Variants in DTX3L observed in about 807,000 individuals in gnomAD.
DTX3L encodes the protein deltex E3 ubiquitin ligase 3L.
DTX3L carries 34 observed loss-of-function variants against 60.9 expected under a neutral mutation model. The ratio of observed to expected loss-of-function variants is 0.56; its 90% CI spans 0.42 to 0.74. The LOEUF (loss-of-function observed/expected upper bound fraction) is 0.74. Ranked by LOEUF, DTX3L falls within the 30% of genes least tolerant of loss-of-function variation. The pLI, the probability that DTX3L is intolerant of heterozygous loss-of-function variation, is 0.00. For synonymous variants in DTX3L, 290 were observed against 316.6 expected (o/e 0.92, Z 0.89); for missense variants, 810 against 874.0 (o/e 0.93, Z 0.92).
Position 122,569,887 on chromosome 3 carries a change from C to G in DTX3L, c.1798C>G (p.Gln600Glu). The G allele has an allele frequency of 6.2e-7, 1 of 1,614,146 alleles. No individual in the cohort carries two copies. The highest frequency in any genetic ancestry group is 8.5e-7 in the Non-Finnish European group (1 of 1,180,032). The change falls in exon 3 of 5, where the codon CAG (glutamine) becomes GAG (glutamate). Residue 600 changes from glutamine to glutamate, a missense_variant. Coordinates refer to ENST00000296161, the MANE Select transcript of DTX3L (RefSeq NM_138287.3). ...ATATAAGCCAATCTGTCCCACATGCCAGACTTCCTATGGTATTCAGAAAGG... is the reference window on the plus strand; with the variant it reads ...ATATAAGCCAATCTGTCCCACATGCGAGACTTCCTATGGTATTCAGAAAGG... Reference protein sequence around the residue: ...MSYKPICPTCQTSYGIQKGNQ... With the variant: ...MSYKPICPTCETSYGIQKGNQ...
At position 122,571,719 on chromosome 3, in the gene DTX3L, A is replaced by C. The variant is rs1191784368; in HGVS notation, c.2195A>C (p.Glu732Ala). Residue 732 changes from glutamate to alanine, a missense_variant, in exon 5 of 5, where the codon GAG becomes GCG. Transcript: ENST00000296161. ...CCTTCTTACCTGAAACGTGTCAAAG[A>C]GGAGCTGAAAGCCAAAGGAATTGAG... ...PDPSYLKRVK[E>A]ELKAKGIE The C allele has an allele frequency of 1.9e-6, 3 of 1,613,324 alleles. No individual in the cohort carries two copies. Among genetic ancestry groups the C allele is most frequent in the African/African-American group, 1.3e-5 (1 of 74,924 alleles).
chr3:122,566,127 T>C (rs1160069398), intron 2 of DTX3L, 57 bp downstream of exon 2: 1 of 1,485,776 alleles, frequency 6.7e-7, no homozygotes, highest in Non-Finnish European at 9.3e-7. Context: ...GTCACCAGCC[T>C]CATGTATTAT....
In DTX3L at chr3:122,569,739, C is replaced by G; in HGVS notation, c.1650C>G (p.Ala550=). 1 of 1,614,068 alleles carries G rather than the reference C, an allele frequency of 6.2e-7. No homozygotes were observed. The highest frequency in any genetic ancestry group is 8.5e-7 in the Non-Finnish European group (1 of 1,180,004). ...PPLKGSVSSE[A]SELDKKEKGI... Reference sequence around the variant, plus strand: ...TCAAGGGCTCTGTGAGTTCTGAGGCCTCAGAACTGGACAAGAAGGAAAAGG... The same window carrying G: ...TCAAGGGCTCTGTGAGTTCTGAGGCGTCAGAACTGGACAAGAAGGAAAAGG... The change falls in exon 3 of 5, where the codon GCC becomes GCG. Residue 550 remains alanine, a synonymous_variant. Coordinates refer to ENST00000296161, the MANE Select transcript of DTX3L (RefSeq NM_138287.3).
At chr3:122,570,324 G>A (rs1297092765) in intron 3 of DTX3L, 131 bp from the exon 4 acceptor site, 2 of 923,012 alleles carry the variant, frequency 2.2e-6, no homozygotes, top group African/African-American at 3.4e-5. Flanking sequence ...ATGAGTTATT[G>A]GGAATATGAG....
chr3:122,568,271 TGCACTCCA>T (rs2080604839), intron 2 of DTX3L, among the ~76,000 whole-genome samples: 1 of 152,056 alleles, frequency 6.6e-6, no homozygotes, highest in Admixed American at 6.6e-5. Flanking sequence ...ATCGCGCCAT[TGCACTCCA>T]GCCTGGGTAA....
At chr3:122,568,183 C>A (rs998397368) in intron 2 of DTX3L, among the ~76,000 whole-genome samples, 3 of 152,144 alleles carry the variant, frequency 2.0e-5, no homozygotes, top group African/African-American at 4.8e-5. Context: ...GTGGCACATG[C>A]CTATAATCCC....
In DTX3L at chr3:122,569,641, A is replaced by C. The variant is rs1177638626; in HGVS notation, c.1552A>C (p.Lys518Gln). The part of the protein sequence containing the change: ...KGGGMSSLAG[K>Q]KLKEGHETPM... ...AGGAGGAATGTCTTCATTGGCTGGA[A>C]AGAAATTGAAAGAGGGTCATGAAAC... Residue 518 changes from lysine to glutamine, a missense_variant, in exon 3 of 5, where the codon AAG (lysine) becomes CAG (glutamine). Physicochemically the swap from Lys to Gln is moderately conservative, Grantham distance 53. Transcript: ENST00000296161. 1.2e-6 allele frequency: 2 copies of C among 1,614,090 alleles called. No homozygotes were observed. Among genetic ancestry groups the C allele is most frequent in the Non-Finnish European group, 8.5e-7 (1 of 1,180,046 alleles).
Position 122,568,724 on chromosome 3 carries a change from G to C in DTX3L, c.635G>C (p.Ser212Thr), listed in dbSNP as rs1464705756. 1.9e-6 allele frequency: 3 copies of C among 1,614,222 alleles called. No homozygotes were observed. Among genetic ancestry groups the C allele is most frequent in the Admixed American group, 1.7e-5 (1 of 60,030 alleles). The change falls in exon 3 of 5, where the codon AGT becomes ACT. Residue 212 changes from serine (S) to threonine (T), a missense_variant. Transcript: ENST00000296161. ...SPSMTERKPL[S>T]QQERDSCISP... ...TCAATGACAGAGAGGAAGCCACTCA[G>C]TCAGCAGGAGAGGGACAGCTGCATT...
intron 1 of DTX3L, 24 bp downstream of exon 1, chr3:122,564,637 C>A: frequency 1.3e-6 from 2 of 1,577,112 alleles, no homozygotes; most frequent in African/African-American, 1.4e-5. Context: ...GGCCAGGCTG[C>A]GAAAGCCCTC....
intron 1 of DTX3L, 134 bp downstream of exon 1, chr3:122,564,747 G>A: frequency 3.5e-6 from 4 of 1,131,758 alleles, no homozygotes; most frequent in Non-Finnish European, 3.7e-6. Flanking sequence ...GGACAGGGAC[G>A]GGGCCCTACT....
chr3:122,566,249 T>G (rs1055242512), intron 2 of DTX3L, among the ~76,000 whole-genome samples, 179 bp downstream of exon 2: 3 of 152,166 alleles, frequency 2.0e-5, no homozygotes, highest in African/African-American at 7.2e-5. Context: ...CAGCTTATAC[T>G]GGGGGCCAGG....
At position 122,569,630 on chromosome 3, in the gene DTX3L, C is replaced by T. The variant is rs1382027358; in HGVS notation, c.1541C>T (p.Ser514Leu). ...QYVLKGGGMS[S>L]LAGKKLKEGH... is the part of the protein sequence containing the mutation. ...GTTCTAAAAGGAGGAGGAATGTCTT[C>T]ATTGGCTGGAAAGAAATTGAAAGAG... is the stretch of plus-strand genomic sequence containing the variant. Residue 514 changes from serine to leucine, a missense_variant, in exon 3 of 5, where the codon TCA (serine) becomes TTA (leucine). Coordinates refer to ENST00000296161, the MANE Select transcript of DTX3L (RefSeq NM_138287.3). The T allele has an allele frequency of 6.2e-7, 1 of 1,614,196 alleles. No homozygotes were observed. Among genetic ancestry groups the T allele is most frequent in the Non-Finnish European group, 8.5e-7 (1 of 1,180,028 alleles).
At position 122,564,532 on chromosome 3, in the gene DTX3L, T is replaced by A. The variant is rs1264050558; in HGVS notation, c.106T>A (p.Ser36Thr). The change falls in exon 1 of 5, where the codon TCG becomes ACG. Residue 36 changes from serine to threonine, a missense_variant. Coordinates refer to ENST00000296161, the MANE Select transcript of DTX3L (RefSeq NM_138287.3). ...LESYFQSSKS[S>T]GGGECTVSTQ... Reference sequence around the variant, plus strand: ...GAGCTACTTCCAGAGCTCTAAGTCCTCGGGCGGCGGGGAGTGCACGGTCAG... The same window carrying A: ...GAGCTACTTCCAGAGCTCTAAGTCCACGGGCGGCGGGGAGTGCACGGTCAG... 6.2e-7 allele frequency: 1 copy of A among 1,610,898 alleles called. No homozygotes were observed.
In DTX3L at chr3:122,573,831, G is replaced by A. The variant is rs1426187806; in HGVS notation, c.*2084G>A. 1 of 152,054 alleles carries A rather than the reference G, an allele frequency of 6.6e-6. No individual in the cohort carries two copies. The highest frequency in any genetic ancestry group is 1.5e-5 in the Non-Finnish European group (1 of 68,098). The allele number at this position is 152,054 out of a possible 1,614,324, so 9.4% of individuals were successfully genotyped here. On this transcript the variant is annotated 3_prime_UTR_variant, in exon 5 of 5. Coordinates refer to ENST00000296161, the MANE Select transcript of DTX3L (RefSeq NM_138287.3). ...TTCCAAGTGTTTTTTGTTTTGTTTT[G>A]CTTTGTTTTTGTTGTTGTTGTTTTG...
Position 122,571,791 on chromosome 3 carries a change from A to T in DTX3L, c.*44A>T, listed in dbSNP as rs371306523. On this transcript the variant is annotated 3_prime_UTR_variant, in exon 5 of 5. Transcript: ENST00000296161. ...TCTTAAATCAAGCTTTCAAAAAAAT[A>T]TATTTTAGGAGGCTGATTTAATGCC... is the stretch of plus-strand genomic sequence containing the variant. 2 of 1,525,402 alleles carry T rather than the reference A, an allele frequency of 1.3e-6. No individual in the cohort carries two copies. The highest frequency in any genetic ancestry group is 1.2e-5 in the South Asian group (1 of 84,792). The allele number at this position is 1,525,402 out of a possible 1,614,324, so 94.5% of individuals were successfully genotyped here.
Position 122,570,619 on chromosome 3 carries a change from C to A in DTX3L, c.2100C>A (p.Val700=). ...GYSRVLGVSD[V]ITWNDIHHKT... ...CTCGCGTATTAGGAGTCTCAGATGT[C>A]ATCACTTGGAATGATATTCACCACA... Residue 700 remains valine (V), a synonymous_variant, in exon 4 of 5, where the codon GTC becomes GTA. Coordinates refer to ENST00000296161, the MANE Select transcript of DTX3L (RefSeq NM_138287.3). 2 of 1,614,150 alleles carry A rather than the reference C, an allele frequency of 1.2e-6. No individual in the cohort carries two copies. The highest frequency in any genetic ancestry group is 1.7e-6 in the Non-Finnish European group (2 of 1,180,024).
chr3:122,564,381 C>T lies in DTX3L; in HGVS notation c.-46C>T, dbSNP rs748157452. 3.2e-6 allele frequency: 5 copies of T among 1,568,366 alleles called. No individual in the cohort carries two copies. The highest frequency in any genetic ancestry group is 4.3e-6 in the Non-Finnish European group (5 of 1,159,172). On this transcript the variant is annotated 5_prime_UTR_variant, in exon 1 of 5. Transcript: ENST00000296161. ...CGCAGGGCGGGCCGCGCCTTTACCG[C>T]CCAGCTGCCTCCCGGAGCCCCCGCG...
chr3:122,575,079 C>T lies in DTX3L; in HGVS notation c.*3332C>T, dbSNP rs948413487. ...GTTCTGGATTCTGGATGGGAGATTG[C>T]ACTGTGTGTGACATGCAAGTTTCAT... is the stretch of plus-strand genomic sequence containing the variant. On this transcript the variant is annotated 3_prime_UTR_variant, in exon 5 of 5. Coordinates refer to ENST00000296161, the MANE Select transcript of DTX3L (RefSeq NM_138287.3). 1.3e-5 allele frequency: 2 copies of T among 152,170 alleles called. No individual in the cohort carries two copies. The highest frequency in any genetic ancestry group is 2.4e-5 in the African/African-American group (1 of 41,442). 9.4% of individuals were successfully genotyped at this position (152,170 alleles called of 1,614,324 possible). A position where few individuals can be genotyped will look rare whatever the true frequency, so the allele number is the denominator to read the frequency against.
rs370422854 is a variant in DTX3L at position 122,570,478 on chromosome 3, G to T, written c.1959G>T (p.Lys653Asn). The T allele has an allele frequency of 6.2e-7, 1 of 1,614,138 alleles. No individual in the cohort carries two copies. The highest frequency in any genetic ancestry group is 8.5e-7 in the Non-Finnish European group (1 of 1,180,030). The change falls in exon 4 of 5, where the codon AAG (lysine) becomes AAT (asparagine). Residue 653 changes from lysine (K) to asparagine (N), a missense_variant. Coordinates refer to ENST00000296161, the MANE Select transcript of DTX3L (RefSeq NM_138287.3). ...AGGAAGAACACCCAAACCCAGGAAA[G>T]AGATACCCTGGAATACAGCGAACTG... ...IQTEEHPNPG[K>N]RYPGIQRTAY...
Sources: gnomAD v4.1 joint callset for allele counts (sites outside exome capture counted in the v4.1 genomes callset) on GRCh38, gnomAD v4.1.1 for gene constraint, MANE v1.5 for transcripts, NCBI Gene and HGNC (gene_info 2026-07-23, HGNC 2026-07-21) for gene names.